Variants in SNX29 observed in about 807,000 individuals in gnomAD.
The protein encoded by SNX29 is sorting nexin 29.
Under a neutral mutation model 102.1 loss-of-function variants are expected in SNX29, and 78 were observed. That is an observed-to-expected ratio of 0.76 (90% confidence interval 0.64 to 0.92). The LOEUF is 0.92. Ranked by LOEUF, SNX29 falls within the 40% of genes least tolerant of loss-of-function variation. SNX29 has a pLI of 0.00. For synonymous variants in SNX29, 580 were observed against 414.5 expected (o/e 1.40, Z -4.85); for missense variants, 1,280 against 1,061.7 (o/e 1.21, Z -2.86).
intron 20 of SNX29, among the ~76,000 whole-genome samples, chr16:12,559,445 GATT>G (rs925794268): frequency 7.3e-5 from 11 of 151,346 alleles, no homozygotes; most frequent in Admixed American, 5.3e-4. Context: ...GGCTCCCAAT[GATT>G]CTACATTATG....
At chr16:12,134,397 C>T (rs1001958273) in intron 13 of SNX29, among the ~76,000 whole-genome samples, 2 of 152,190 alleles carry the variant, frequency 1.3e-5, no homozygotes, top group Admixed American at 6.5e-5. Context: ...CATGAGGTTG[C>T]AGTCAAGCTG....
At chr16:12,163,345 C>T (rs370701893) in intron 13 of SNX29, among the ~76,000 whole-genome samples, 3 of 152,084 alleles carry the variant, frequency 2.0e-5, no homozygotes, top group South Asian at 2.1e-4. Context: ...GGTGGGGTAG[C>T]AGGGAGGAGG....
Position 12,571,306 on chromosome 16 carries a change from G to A in SNX29, c.*2677G>A, listed in dbSNP as rs372558683. 8.6e-6 allele frequency: 2 copies of A among 232,054 alleles called. No homozygotes were observed. Among genetic ancestry groups the A allele is most frequent in the East Asian group, 6.1e-5 (1 of 16,460 alleles). 14.4% of individuals were successfully genotyped at this position (232,054 alleles called of 1,614,324 possible). On this transcript the variant is annotated 3_prime_UTR_variant, in exon 21 of 21. Transcript: ENST00000566228. ...TGCCCAAATTCCACACCCTGGAAAT[G>A]TGTCAACTGCCTGTCAGCCTGGATT...
At chr16:12,215,559 G>C (rs750983155) in intron 14 of SNX29, among the ~76,000 whole-genome samples, 3 of 152,118 alleles carry the variant, frequency 2.0e-5, no homozygotes, top group Admixed American at 6.5e-5. Flanking sequence ...GGGCTCCAGA[G>C]GGGGGTGCCT....
At chr16:12,481,435 TATATACACAC>T (rs1280041569) in intron 19 of SNX29, among the ~76,000 whole-genome samples, 1 of 142,520 alleles carries the variant, frequency 7.0e-6, no homozygotes, top group East Asian at 2.0e-4. Flanking sequence ...CATATACACA[TATATACACAC>T]ACATATATAC....
At chr16:12,394,445 G>A (rs957811146) in intron 16 of SNX29, among the ~76,000 whole-genome samples, 1 of 152,200 alleles carries the variant, frequency 6.6e-6, no homozygotes, top group Admixed American at 6.5e-5. Flanking sequence ...TACTTTTATG[G>A]ATTATATGTC....
At chr16:12,510,003 C>T (rs117985656) in intron 19 of SNX29, among the ~76,000 whole-genome samples, 4,294 of 152,328 alleles carry the variant, frequency 0.028, 89 homozygotes, top group East Asian at 0.068. Context: ...GGCATTGTGC[C>T]GTAGTCCTCA....
At chr16:12,544,689 A>G (rs1380102366) in intron 20 of SNX29, among the ~76,000 whole-genome samples, 1 of 152,176 alleles carries the variant, frequency 6.6e-6, no homozygotes, top group Admixed American at 6.5e-5. Context: ...CTGTCACTCG[A>G]ATTCTCTTCC....
chr16:12,283,299 C>G (rs2079491764), intron 15 of SNX29, among the ~76,000 whole-genome samples: 1 of 151,576 alleles, frequency 6.6e-6, no homozygotes, highest in South Asian at 2.1e-4. Flanking sequence ...ATTGACTACC[C>G]TAGATGGAGT....
intron 13 of SNX29, among the ~76,000 whole-genome samples, chr16:12,145,852 C>T (rs552140835): frequency 2.0e-5 from 3 of 151,966 alleles, no homozygotes; most frequent in African/African-American, 7.2e-5. Context: ...CCATTTTTTT[C>T]CCTTGTAGGA....
At position 12,456,786 on chromosome 16, in the gene SNX29, G is replaced by A. The variant is rs543202142; in HGVS notation, c.2038-20933G>A. Reference sequence around the variant, plus strand: ...TCCTTTCAGGGAGAGGATGCATTGGGATTGTGAGCTTTTCCAAAGGTGGAA... The same window carrying A: ...TCCTTTCAGGGAGAGGATGCATTGGAATTGTGAGCTTTTCCAAAGGTGGAA... On this transcript the variant is annotated intron_variant, in intron 18 of 20. Coordinates refer to ENST00000566228, the MANE Select transcript of SNX29 (RefSeq NM_032167.5). Among the ~76,000 whole-genome samples the A allele has an allele frequency of 1.1e-4, 16 of 152,264 alleles. 2 individuals carry two copies. The South Asian group carries it at 3.3e-3, about 32-fold the overall frequency.
At chr16:12,295,323 A>G (rs1206833768) in intron 15 of SNX29, among the ~76,000 whole-genome samples, 2 of 152,222 alleles carry the variant, frequency 1.3e-5, no homozygotes, top group Non-Finnish European at 2.9e-5. Flanking sequence ...CAGTGAAGCC[A>G]GCCTCCCAGG....
chr16:12,110,196 C>G (rs916642322), intron 11 of SNX29, among the ~76,000 whole-genome samples: 2 of 152,080 alleles, frequency 1.3e-5, no homozygotes, highest in Non-Finnish European at 2.9e-5. Context: ...TCTCAGATGA[C>G]TCTCTTCCTG....
chr16:12,218,177 T>A lies in SNX29; in HGVS notation c.1678+18494T>A, dbSNP rs576181281. Among the ~76,000 whole-genome samples the A allele has an allele frequency of 4.1e-4, 62 of 152,384 alleles. 1 individual carries two copies. The highest frequency in any genetic ancestry group is 6.8e-3 in the Middle Eastern group (2 of 294). ...GCTTGTACTTCATACTTTGATTTTT[T>A]AAATAATTTAATACTTTATTAGATT... On this transcript the variant is annotated intron_variant, in intron 14 of 20. Coordinates refer to ENST00000566228, the MANE Select transcript of SNX29 (RefSeq NM_032167.5).
At chr16:12,545,675 C>G (rs1040124420) in intron 20 of SNX29, 3 of 152,334 alleles carry the variant, frequency 2.0e-5, no homozygotes, top group Admixed American at 6.5e-5. Context: ...CTTCTAGGCT[C>G]CAGGTTAAGG....
chr16:12,468,849 T>C (rs1442761963), intron 18 of SNX29, among the ~76,000 whole-genome samples: 1 of 152,168 alleles, frequency 6.6e-6, no homozygotes, highest in Non-Finnish European at 1.5e-5. Context: ...TCTCATCATG[T>C]CTAAAAACTA....
chr16:12,432,587 A>G (rs2085357929), intron 18 of SNX29, among the ~76,000 whole-genome samples: 1 of 152,338 alleles, frequency 6.6e-6, no homozygotes, highest in South Asian at 2.1e-4. Flanking sequence ...CACGCTATGT[A>G]TAAGAGCAGC....
intron 14 of SNX29, among the ~76,000 whole-genome samples, chr16:12,234,392 A>G (rs1245644480): frequency 2.0e-5 from 3 of 151,946 alleles, no homozygotes; most frequent in Non-Finnish European, 4.4e-5. Context: ...TCTTCTGTCC[A>G]TTGCTTAATT....
At chr16:12,252,219 C>T (rs972827264) in intron 14 of SNX29, among the ~76,000 whole-genome samples, 1 of 152,212 alleles carries the variant, frequency 6.6e-6, no homozygotes, top group Non-Finnish European at 1.5e-5. Flanking sequence ...GCTACATCCA[C>T]AAACTTCAAA....
Sources: gnomAD v4.1 joint callset for allele counts (sites outside exome capture counted in the v4.1 genomes callset) on GRCh38, gnomAD v4.1.1 for gene constraint, MANE v1.5 for transcripts, NCBI Gene and HGNC (gene_info 2026-07-23, HGNC 2026-07-21) for gene names.